Variants in STXBP5L observed in about 807,000 individuals in gnomAD.
STXBP5L encodes the protein syntaxin binding protein 5L.
In STXBP5L, 65 loss-of-function variants were observed where a neutral mutation model predicts 144.5. The ratio of observed to expected loss-of-function variants is 0.45; its 90% CI spans 0.37 to 0.55. The LOEUF (loss-of-function observed/expected upper bound fraction) is 0.55. Ranked by LOEUF, STXBP5L falls within the 20% of genes least tolerant of loss-of-function variation. The pLI is 0.00. For missense variants in STXBP5L, 1,298 were observed against 1,405.5 expected, an observed-to-expected ratio of 0.92 and a Z score of 1.22; for synonymous variants, 505 against 469.6, an observed-to-expected ratio of 1.08 and a Z score of -0.97.
intron 3 of STXBP5L, among the ~76,000 whole-genome samples, chr3:121,039,427 C>T (rs926464897): frequency 1.3e-5 from 2 of 151,734 alleles, no homozygotes; most frequent in Non-Finnish European, 2.9e-5. Flanking sequence ...CTTCTACATA[C>T]GTTATAAACC....
intron 23 of STXBP5L, among the ~76,000 whole-genome samples, chr3:121,408,435 TC>T (rs1375005025): frequency 2.0e-5 from 3 of 151,900 alleles, no homozygotes; most frequent in Non-Finnish European, 4.4e-5. Flanking sequence ...AAACTCACTG[TC>T]TAACTTGGGA....
chr3:121,110,218 TA>T (rs1270510083), intron 5 of STXBP5L, among the ~76,000 whole-genome samples: 1 of 152,204 alleles, frequency 6.6e-6, no homozygotes, highest in African/African-American at 2.4e-5. Flanking sequence ...TTAAGGTTAA[TA>T]TTGTTATGTG....
chr3:121,263,606 C>G (rs990158023), intron 18 of STXBP5L, among the ~76,000 whole-genome samples: 1 of 151,984 alleles, frequency 6.6e-6, no homozygotes, highest in African/African-American at 2.4e-5. Flanking sequence ...AGTAAGATAA[C>G]CAGTTTAGAG....
intron 20 of STXBP5L, among the ~76,000 whole-genome samples, chr3:121,320,466 A>T (rs1422470634): frequency 6.6e-6 from 1 of 152,056 alleles, no homozygotes; most frequent in Non-Finnish European, 1.5e-5. Context: ...TTCTCCTTCT[A>T]AAGGAAAAAA....
rs376647164 is a variant in STXBP5L, at chr3:121,254,821, A to G, written c.1442-74A>G. ...GGTTTACTTTTGTTGTTTAACAAAT[A>G]TATTGGAAAAGCTTTAATAACATCT... On this transcript the variant is annotated intron_variant, in intron 15 of 26. Coordinates refer to ENST00000471454, the MANE Select transcript of STXBP5L (RefSeq NM_001308330.2). 5.4e-5 allele frequency: 70 copies of G among 1,289,712 alleles called. 1 individual carries two copies. The East Asian group carries it at 1.5e-3, about 28-fold the overall frequency. The allele number at this position is 1,289,712 out of a possible 1,614,324, so 79.9% of individuals were successfully genotyped here. A position where few individuals can be genotyped will look rare whatever the true frequency, so the allele number is the denominator to read the frequency against.
chr3:121,121,396 T>C (rs1037189046), intron 6 of STXBP5L, among the ~76,000 whole-genome samples: 1 of 151,272 alleles, frequency 6.6e-6, no homozygotes, highest in Non-Finnish European at 1.5e-5. Flanking sequence ...AAGAACCCCA[T>C]TGTTATTAGG....
intron 20 of STXBP5L, 82 bp downstream of exon 20, chr3:121,318,622 G>T: frequency 9.7e-7 from 1 of 1,029,440 alleles, no homozygotes; most frequent in Non-Finnish European, 1.4e-6. Context: ...TTTATAATGT[G>T]AAATTTATAA....
At chr3:121,101,985 C>T (rs2043449935) in intron 5 of STXBP5L, among the ~76,000 whole-genome samples, 1 of 151,852 alleles carries the variant, frequency 6.6e-6, no homozygotes, top group Admixed American at 6.6e-5. Flanking sequence ...GCAAAAAATA[C>T]CTAGGAATAC....
At chr3:121,270,222 AG>A (rs1296846449) in intron 18 of STXBP5L, among the ~76,000 whole-genome samples, 1 of 133,604 alleles carries the variant, frequency 7.5e-6, no homozygotes, top group Admixed American at 7.7e-5. Flanking sequence ...ATGTTTCCTA[AG>A]AAGAAGAGCT....
chr3:121,121,546 T>C (rs1174678682), intron 6 of STXBP5L, 95 bp from the exon 7 acceptor site: 1 of 864,510 alleles, frequency 1.2e-6, no homozygotes, highest in African/African-American at 1.7e-5. Flanking sequence ...GGTGGGATTT[T>C]ATTCCAGTGT....
intron 9 of STXBP5L, among the ~76,000 whole-genome samples, chr3:121,163,845 T>A (rs1047222550): frequency 6.6e-6 from 1 of 152,026 alleles, no homozygotes; most frequent in Non-Finnish European, 1.5e-5. Context: ...CAAAAGAGAA[T>A]GTTAAACTAG....
chr3:121,010,572 TA>T (rs966602186), intron 3 of STXBP5L, among the ~76,000 whole-genome samples: 4 of 151,534 alleles, frequency 2.6e-5, no homozygotes, highest in African/African-American at 9.7e-5. Flanking sequence ...ACACGGGGGT[TA>T]GGGGAACTGA....
chr3:121,004,626 GC>G (rs1944106696), intron 3 of STXBP5L, among the ~76,000 whole-genome samples: 1 of 152,044 alleles, frequency 6.6e-6, no homozygotes, highest in Non-Finnish European at 1.5e-5. Context: ...CCTGTCTTGT[GC>G]CAGTTTTCAA....
At chr3:121,230,242 A>G (rs906582775) in intron 11 of STXBP5L, among the ~76,000 whole-genome samples, 6 of 152,214 alleles carry the variant, frequency 3.9e-5, no homozygotes, top group African/African-American at 9.6e-5. Context: ...AAAAGTAATG[A>G]CCTTAAAGTC....
intron 20 of STXBP5L, among the ~76,000 whole-genome samples, chr3:121,373,994 G>A (rs938857182): frequency 1.3e-5 from 2 of 152,050 alleles, no homozygotes; most frequent in African/African-American, 2.4e-5. Flanking sequence ...CCTACTCAGG[G>A]CCCATACTAC....
chr3:121,004,723 C>T (rs768260984), intron 3 of STXBP5L, among the ~76,000 whole-genome samples: 16 of 152,200 alleles, frequency 1.1e-4, no homozygotes, highest in Non-Finnish European at 2.1e-4. Context: ...GAGATACGTC[C>T]CATGAATACC....
At chr3:121,139,489 TGTAA>T (rs1056341889) in intron 7 of STXBP5L, among the ~76,000 whole-genome samples, 2 of 152,120 alleles carry the variant, frequency 1.3e-5, no homozygotes, top group African/African-American at 2.4e-5. Flanking sequence ...TCGTGTTGCT[TGTAA>T]GTATCAGAAT....
intron 15 of STXBP5L, among the ~76,000 whole-genome samples, chr3:121,252,103 T>A (rs1220124249): frequency 6.6e-6 from 1 of 152,146 alleles, no homozygotes; most frequent in Non-Finnish European, 1.5e-5. Context: ...TTCACATCTG[T>A]AATCCTAGCA....
At chr3:121,404,007 T>C (rs530011114) in intron 22 of STXBP5L, among the ~76,000 whole-genome samples, 2 of 152,186 alleles carry the variant, frequency 1.3e-5, no homozygotes, top group Non-Finnish European at 2.9e-5. Flanking sequence ...CCTTTAAATG[T>C]CTGATGGATC....
Sources: allele counts gnomAD v4.1 joint callset (sites outside exome capture counted in the v4.1 genomes callset), GRCh38; gene constraint gnomAD v4.1.1; transcripts MANE v1.5; gene names NCBI Gene and HGNC (gene_info 2026-07-23, HGNC 2026-07-21).